Variants in LRRC4C observed in about 807,000 individuals in gnomAD.
LRRC4C encodes the protein leucine-rich repeat-containing protein 4C.
LRRC4C carries 5 observed loss-of-function variants against 33.6 expected under a neutral mutation model. The observed-to-expected ratio is 0.15, with a 90% CI of 0.08 to 0.31. The LOEUF (loss-of-function observed/expected upper bound fraction) is 0.31, where lower values mean the gene tolerates loss of function less well. LRRC4C is among the 10% of genes least tolerant of loss of function. The pLI is 1.00. For missense variants in LRRC4C, 560 were observed against 796.7 expected (o/e 0.70, Z 3.58); for synonymous variants, 329 against 302.0 (o/e 1.09, Z -0.93).
chr11:41,205,913 A>G (rs1306888144), intron 1 of LRRC4C, among the ~76,000 whole-genome samples: 1 of 152,182 alleles, frequency 6.6e-6, no homozygotes, highest in Non-Finnish European at 1.5e-5. Context: ...CACTGGAAAC[A>G]CTAAACCATG....
At chr11:41,177,447 A>G (rs1945255807) in intron 1 of LRRC4C, among the ~76,000 whole-genome samples, 1 of 152,214 alleles carries the variant, frequency 6.6e-6, no homozygotes, top group Admixed American at 6.5e-5. Context: ...GATAACTCCA[A>G]CTGGCCTGCA....
chr11:40,682,524 C>T (rs1358724907), intron 2 of LRRC4C, among the ~76,000 whole-genome samples: 1 of 151,976 alleles, frequency 6.6e-6, no homozygotes, highest in African/African-American at 2.4e-5. Context: ...ACCTATAATC[C>T]CAGCACTTTG....
At chr11:41,104,737 G>T (rs1941396190) in intron 1 of LRRC4C, among the ~76,000 whole-genome samples, 1 of 151,908 alleles carries the variant, frequency 6.6e-6, no homozygotes, top group African/African-American at 2.4e-5. Flanking sequence ...TTGAACATAT[G>T]AAAATATTAT....
intron 3 of LRRC4C, among the ~76,000 whole-genome samples, chr11:40,592,688 T>TGGGTGTATACAAAGAGA (rs1959111716): frequency 6.6e-6 from 1 of 152,158 alleles, no homozygotes; most frequent in South Asian, 2.1e-4. Context: ...TTGTATAACT[T>TGGGTGTATACAAAGAGA]TTAGCCAGAC....
At chr11:40,365,684 C>T (rs187398694) in intron 3 of LRRC4C, among the ~76,000 whole-genome samples, 3 of 152,038 alleles carry the variant, frequency 2.0e-5, no homozygotes, top group Non-Finnish European at 1.5e-5. Flanking sequence ...GTGACTCAAG[C>T]TGATGATTGT....
At chr11:40,903,010 G>T (rs1956273454) in intron 2 of LRRC4C, among the ~76,000 whole-genome samples, 1 of 152,210 alleles carries the variant, frequency 6.6e-6, no homozygotes. Flanking sequence ...CAATGTAGAT[G>T]AAACAGCTTT....
At chr11:40,336,688 A>T (rs1946618774) in intron 3 of LRRC4C, among the ~76,000 whole-genome samples, 1 of 152,140 alleles carries the variant, frequency 6.6e-6, no homozygotes, top group Non-Finnish European at 1.5e-5. Context: ...CAGAAGAGCG[A>T]ATCAGGGGCT....
At chr11:40,533,390 G>C (rs886870793) in intron 3 of LRRC4C, among the ~76,000 whole-genome samples, 2 of 152,082 alleles carry the variant, frequency 1.3e-5, no homozygotes, top group African/African-American at 4.8e-5. Context: ...ATTCATGTGG[G>C]TCTTTTGGCA....
chr11:40,249,893 C>T (rs543011041), intron 4 of LRRC4C, among the ~76,000 whole-genome samples: 13 of 152,298 alleles, frequency 8.5e-5, no homozygotes, highest in African/African-American at 2.6e-4. Context: ...ATATTCATCG[C>T]TACCCAATTT....
intron 1 of LRRC4C, among the ~76,000 whole-genome samples, chr11:41,231,740 T>A (rs535212089): frequency 6.6e-6 from 1 of 152,004 alleles, no homozygotes; most frequent in African/African-American, 2.4e-5. Flanking sequence ...ATTGTGCACA[T>A]GTACCCTAGA....
At chr11:41,388,311 A>C (rs1228285402) in intron 1 of LRRC4C, among the ~76,000 whole-genome samples, 1 of 151,834 alleles carries the variant, frequency 6.6e-6, no homozygotes, top group African/African-American at 2.4e-5. Context: ...GCGTTTTTGA[A>C]GTACTAGCCT....
chr11:41,413,277 T>C (rs1954558596), intron 1 of LRRC4C, among the ~76,000 whole-genome samples: 1 of 152,218 alleles, frequency 6.6e-6, no homozygotes, highest in Admixed American at 6.5e-5. Context: ...TTAGATTCAA[T>C]TATCCTTCCA....
chr11:40,121,641 T>C (rs1160605387), intron 6 of LRRC4C, among the ~76,000 whole-genome samples: 1 of 152,248 alleles, frequency 6.6e-6, no homozygotes, highest in East Asian at 1.9e-4. Context: ...ATCTTGACTT[T>C]GTCAACAGAC....
At chr11:40,988,703 C>T (rs372380538) in intron 1 of LRRC4C, among the ~76,000 whole-genome samples, 3,026 of 117,198 alleles carry the variant, frequency 0.026, 38 homozygotes, top group Non-Finnish European at 0.037. Context: ...GTTTTCCTTT[C>T]TTTTCTTTTC....
intron 3 of LRRC4C, among the ~76,000 whole-genome samples, chr11:40,622,533 G>A (rs1962554873): frequency 6.6e-6 from 1 of 151,864 alleles, no homozygotes; most frequent in African/African-American, 2.4e-5. Context: ...CCGCATTCTA[G>A]CTTTGTGTTT....
chr11:40,465,453 T>A (rs1033948548), intron 3 of LRRC4C, among the ~76,000 whole-genome samples: 1 of 151,522 alleles, frequency 6.6e-6, no homozygotes, highest in East Asian at 1.9e-4. Flanking sequence ...ACCAAAAACA[T>A]TTAATTAAAC....
intron 2 of LRRC4C, among the ~76,000 whole-genome samples, chr11:40,922,221 G>A (rs922580627): frequency 1.3e-5 from 2 of 151,824 alleles, no homozygotes; most frequent in African/African-American, 4.8e-5. Context: ...CTCCGTACAA[G>A]TTTTTAGATT....
chr11:40,203,741 A>G (rs1862934987), intron 5 of LRRC4C, among the ~76,000 whole-genome samples: 1 of 152,176 alleles, frequency 6.6e-6, no homozygotes, highest in Admixed American at 6.5e-5. Context: ...GGGCCTCTAG[A>G]TTTCAGACCG....
intron 2 of LRRC4C, among the ~76,000 whole-genome samples, chr11:40,775,079 T>C (rs980155028): frequency 6.6e-6 from 1 of 152,010 alleles, no homozygotes; most frequent in Non-Finnish European, 1.5e-5. Flanking sequence ...CATTATTATA[T>C]AGATTGGGAC....
Sources: allele counts gnomAD v4.1 joint callset (sites outside exome capture counted in the v4.1 genomes callset), GRCh38; gene constraint gnomAD v4.1.1; transcripts MANE v1.5; gene names NCBI Gene and HGNC (gene_info 2026-07-23, HGNC 2026-07-21).